TLN2: variants seen among roughly 807,000 people sequenced by gnomAD.
TLN2 encodes the protein talin-2.
TLN2 carries 118 observed loss-of-function variants against 294.7 expected under a neutral mutation model. That is an observed-to-expected ratio of 0.40 (90% CI 0.34 to 0.47). The LOEUF is 0.47. Among genes scored for constraint, TLN2 ranks in the 20% least tolerant of loss-of-function variants. The pLI is 0.84. For missense variants in TLN2, 3,083 were observed against 3,282.2 expected, an observed-to-expected ratio of 0.94 and a Z score of 1.48; for synonymous variants, 1,431 against 1,304.5, an observed-to-expected ratio of 1.10 and a Z score of -2.09.
intron 1 of TLN2, among the ~76,000 whole-genome samples, chr15:62,442,492 CAGAAA>C (rs1339397856): frequency 4.6e-5 from 3 of 65,562 alleles, no homozygotes; most frequent in Admixed American, 2.4e-4. Context: ...GACTCTGTCT[CAGAAA>C]AAAAAAAAAA....
At chr15:62,693,226 G>A (rs759740064) in intron 13 of TLN2, among the ~76,000 whole-genome samples, 4 of 152,160 alleles carry the variant, frequency 2.6e-5, no homozygotes, top group Non-Finnish European at 4.4e-5. Flanking sequence ...CAGTTACTCG[G>A]GAGGTGGAGG....
intron 45 of TLN2, among the ~76,000 whole-genome samples, chr15:62,788,550 C>G (rs1284251351): frequency 6.6e-6 from 1 of 152,166 alleles, no homozygotes; most frequent in African/African-American, 2.4e-5. Flanking sequence ...AGATAACAAT[C>G]TTTTTTTCTT....
chr15:62,595,408 G>A (rs549833343), intron 2 of TLN2, among the ~76,000 whole-genome samples: 23 of 102,424 alleles, frequency 2.2e-4, no homozygotes, highest in Non-Finnish European at 3.1e-4. Flanking sequence ...TGCAGACTCC[G>A]TCTCAAAAAA....
intron 2 of TLN2, among the ~76,000 whole-genome samples, chr15:62,603,172 G>A (rs887022325): frequency 3.3e-5 from 5 of 152,158 alleles, no homozygotes; most frequent in African/African-American, 4.8e-5. Context: ...GATTACAGGC[G>A]TGAGCCACCG....
intron 1 of TLN2, among the ~76,000 whole-genome samples, chr15:62,475,141 A>G (rs2037717336): frequency 6.6e-6 from 1 of 152,212 alleles, no homozygotes. Flanking sequence ...ACTCCCTAGA[A>G]ACAGAATGCA....
chr15:62,615,037 C>A (rs939868835), intron 2 of TLN2, among the ~76,000 whole-genome samples: 8 of 151,946 alleles, frequency 5.3e-5, no homozygotes, highest in Non-Finnish European at 8.8e-5. Flanking sequence ...AACTCCTGAC[C>A]TCAGGGGATC....
chr15:62,791,407 G>A (rs1213152762), intron 45 of TLN2, among the ~76,000 whole-genome samples: 1 of 152,118 alleles, frequency 6.6e-6, no homozygotes, highest in Non-Finnish European at 1.5e-5. Flanking sequence ...GCTCAACTTT[G>A]TCGATCACGA....
At chr15:62,465,644 C>G (rs770420928) in intron 1 of TLN2, among the ~76,000 whole-genome samples, 1 of 152,210 alleles carries the variant, frequency 6.6e-6, no homozygotes, top group Middle Eastern at 3.2e-3. Flanking sequence ...CACATTTTCT[C>G]TATCCATGAA....
intron 1 of TLN2, among the ~76,000 whole-genome samples, chr15:62,536,399 G>A (rs1195702131): frequency 1.3e-5 from 2 of 152,166 alleles, no homozygotes; most frequent in Admixed American, 6.5e-5. Context: ...AGGGGCTTCT[G>A]ATATCTTGTT....
chr15:62,690,295 G>A (rs1209040708), intron 12 of TLN2: 1 of 161,118 alleles, frequency 6.2e-6, no homozygotes, highest in Admixed American at 6.4e-5. Flanking sequence ...TTCTCAGACG[G>A]GGCGGCCGGG....
intron 52 of TLN2, among the ~76,000 whole-genome samples, chr15:62,812,271 C>G (rs555241332): frequency 6.6e-6 from 1 of 152,246 alleles, no homozygotes; most frequent in South Asian, 2.1e-4. Context: ...TCACTTCTCC[C>G]CAGTTCCATT....
intron 45 of TLN2, among the ~76,000 whole-genome samples, chr15:62,791,957 A>G (rs959597736): frequency 6.6e-6 from 1 of 152,192 alleles, no homozygotes. Flanking sequence ...ACCTTTTATA[A>G]TCACACAACC....
intron 1 of TLN2, among the ~76,000 whole-genome samples, chr15:62,537,179 C>T (rs758638756): frequency 7.9e-5 from 12 of 152,154 alleles, no homozygotes; most frequent in South Asian, 2.1e-4. Flanking sequence ...CCACCACGCC[C>T]GGCTAATATT....
In TLN2 at chr15:62,692,924, G is replaced by T; in HGVS notation, c.1198G>T (p.Asp400Tyr). The T allele has an allele frequency of 6.2e-7, 1 of 1,612,042 alleles. No individual in the cohort carries two copies. The highest frequency in any genetic ancestry group is 1.1e-5 in the South Asian group (1 of 90,632). The change falls in exon 13 of 59, where the codon GAC becomes TAC. Residue 400 changes from aspartate to tyrosine, a missense_variant. Physicochemically the swap from Asp to Tyr is radical, Grantham distance 160. Transcript: ENST00000636159. Reference sequence around the variant, plus strand: ...ATCCCAGCTGATTGCAGGCTACATTGACATCATCCTGAAAAAGGTATTTTG... The same window carrying T: ...ATCCCAGCTGATTGCAGGCTACATTTACATCATCCTGAAAAAGGTATTTTG... ...QISQLIAGYI[D>Y]IILKKKQSKD... is the part of the protein sequence containing the mutation.
At chr15:62,748,507 GTGTC>G (rs2061738569) in intron 33 of TLN2, 63 bp downstream of exon 33, 7 of 1,276,868 alleles carry the variant, frequency 5.5e-6, no homozygotes, top group Non-Finnish European at 6.8e-6. Flanking sequence ...GTGTGTCTGT[GTGTC>G]TGTCTGTCTA....
chr15:62,795,417 C>T (rs1049595450), intron 46 of TLN2, among the ~76,000 whole-genome samples: 22 of 152,106 alleles, frequency 1.4e-4, no homozygotes, highest in Admixed American at 6.5e-4. Flanking sequence ...GAAAGTACCT[C>T]GGAGCAGTGA....
chr15:62,726,047 G>A lies in TLN2; in HGVS notation c.3255+943G>A, dbSNP rs144441194. Among the ~76,000 whole-genome samples, 411 of 152,310 alleles carry A rather than the reference G, an allele frequency of 2.7e-3. 1 individual carries two copies. Among genetic ancestry groups the A allele is most frequent in the African/African-American group, 9.4e-3 (389 of 41,568 alleles). On this transcript the variant is annotated intron_variant, in intron 27 of 58. Transcript: ENST00000636159. ...AACTGAGGTCACCCAGTTAATGACAGCGTTGGGATTGCCTCCTGGGCCCAC... is the reference window on the plus strand; with the variant it reads ...AACTGAGGTCACCCAGTTAATGACAACGTTGGGATTGCCTCCTGGGCCCAC...
chr15:62,644,625 C>T (rs1053326493), intron 3 of TLN2: 2 of 455,914 alleles, frequency 4.4e-6, no homozygotes, highest in African/African-American at 4.0e-5. Context: ...GAGCCTCTCT[C>T]CTGTGCACCT....
At chr15:62,523,619 C>T (rs531838123) in intron 1 of TLN2, among the ~76,000 whole-genome samples, 11 of 151,900 alleles carry the variant, frequency 7.2e-5, no homozygotes, top group Admixed American at 1.3e-4. Flanking sequence ...AGAATTTATC[C>T]CAGTAATTGA....
Sources: allele counts gnomAD v4.1 joint callset (sites outside exome capture counted in the v4.1 genomes callset), GRCh38; gene constraint gnomAD v4.1.1; transcripts MANE v1.5; gene names NCBI Gene and HGNC (gene_info 2026-07-23, HGNC 2026-07-21).